The following COL23A1 variants were observed in gnomAD, a reference collection of about 807,000 sequenced individuals.
The protein encoded by COL23A1 is collagen type XXIII alpha 1 chain.
In COL23A1, 97 loss-of-function variants were observed where a neutral mutation model predicts 99.3. The ratio of observed to expected loss-of-function variants is 0.98; its 90% CI spans 0.83 to 1.16. The LOEUF is 1.16. Ranked by LOEUF, COL23A1 falls within the 50% of genes most tolerant of loss-of-function variation. The probability of loss-of-function intolerance (pLI) is 0.00; values close to 1 mark genes in which losing one functional copy is unlikely to be tolerated. For synonymous variants in COL23A1, 320 were observed against 308.2 expected (o/e 1.04, Z -0.40); for missense variants, 762 against 757.4 (o/e 1.01, Z -0.07).
intron 2 of COL23A1, among the ~76,000 whole-genome samples, chr5:178,437,797 G>A (rs1329437043): frequency 6.6e-6 from 1 of 152,276 alleles, no homozygotes; most frequent in South Asian, 2.1e-4. Context: ...GCCAAGATGC[G>A]GGAGTCAAGA....
At chr5:178,282,821 A>G (rs1363287949) in intron 5 of COL23A1, among the ~76,000 whole-genome samples, 3 of 151,712 alleles carry the variant, frequency 2.0e-5, no homozygotes, top group Non-Finnish European at 4.4e-5. Flanking sequence ...TGAGTGGGGG[A>G]TCTCCAACCC....
chr5:178,583,533 C>G (rs1763768116), intron 1 of COL23A1, among the ~76,000 whole-genome samples: 1 of 152,200 alleles, frequency 6.6e-6, no homozygotes, highest in African/African-American at 2.4e-5. Flanking sequence ...CATCGAGAGG[C>G]TGCCCTGCGG....
intron 2 of COL23A1, among the ~76,000 whole-genome samples, chr5:178,471,268 T>C (rs778803788): frequency 2.0e-5 from 3 of 151,854 alleles, no homozygotes; most frequent in Non-Finnish European, 2.9e-5. Flanking sequence ...TGAGACAGAG[T>C]CTCGCTCTTG....
Position 178,309,203 on chromosome 5 carries a change from G to C in COL23A1, c.362-2284C>G, listed in dbSNP as rs1758532179. On this transcript the variant is annotated intron_variant, in intron 2 of 28. Coordinates refer to ENST00000390654, the MANE Select transcript of COL23A1 (RefSeq NM_173465.4). The surrounding 1 kb of genome is among the most constrained non-coding windows in gnomAD (Gnocchi z 4.7). Reference sequence around the variant, plus strand: ...GACATCTGCCTGTGTTGGGGCAGCTGAACTAACGGATTTGTCTGGTGGCTC... The same window carrying C: ...GACATCTGCCTGTGTTGGGGCAGCTCAACTAACGGATTTGTCTGGTGGCTC... Among the ~76,000 whole-genome samples the C allele has an allele frequency of 1.3e-5, 2 of 152,200 alleles. No homozygotes were observed. The highest frequency in any genetic ancestry group is 4.8e-5 in the African/African-American group (2 of 41,458).
rs778857306 is a variant in COL23A1, at chr5:178,256,417, C to T, written c.838-20G>A. 5.0e-6 allele frequency: 8 copies of T among 1,600,448 alleles called. No individual in the cohort carries two copies. The African/African-American group carries it at 6.7e-5, about 13-fold the overall frequency. ...CTCCCCCTGTGGAGACATGCATTTG[C>T]AGCCAGAGGTGCAGCTGTGAAGCCA... On this transcript the variant is annotated intron_variant, in intron 14 of 28. Coordinates refer to ENST00000390654, the MANE Select transcript of COL23A1 (RefSeq NM_173465.4).
intron 2 of COL23A1, among the ~76,000 whole-genome samples, chr5:178,559,838 A>G (rs988705203): frequency 1.5e-4 from 23 of 149,360 alleles, no homozygotes; most frequent in African/African-American, 4.0e-4. Flanking sequence ...CTGCACGTCG[A>G]GAAGTCTGAG....
At position 178,366,338 on chromosome 5, in the gene COL23A1, C is replaced by T. The variant is rs183155849; in HGVS notation, c.362-59419G>A. 2.6e-5 allele frequency among the ~76,000 whole-genome samples: 4 copies of T among 152,338 alleles called. No homozygotes were observed. The highest frequency in any genetic ancestry group is 2.6e-4 in the Admixed American group (4 of 15,306). ...GCGCTGCGTCCTCCATCCTCTGGTGCACCAGGTTAGCTTGACTCCAGGTGC... is the reference window on the plus strand; with the variant it reads ...GCGCTGCGTCCTCCATCCTCTGGTGTACCAGGTTAGCTTGACTCCAGGTGC... On this transcript the variant is annotated intron_variant, in intron 2 of 28. Coordinates refer to ENST00000390654, the MANE Select transcript of COL23A1 (RefSeq NM_173465.4). This position sits in a 1 kb window ranked among gnomAD's most constrained non-coding sequence, Gnocchi z 4.4.
intron 2 of COL23A1, among the ~76,000 whole-genome samples, chr5:178,502,316 A>T (rs1758599025): frequency 6.6e-6 from 1 of 152,064 alleles, no homozygotes; most frequent in South Asian, 2.1e-4. Flanking sequence ...TATTTTTAGT[A>T]GAGACGGGGT....
Position 178,585,540 on chromosome 5 carries a change from A to G in COL23A1, c.294+4364T>C, listed in dbSNP as rs960534222. Among the ~76,000 whole-genome samples, 34 of 44,326 alleles carry G rather than the reference A, an allele frequency of 7.7e-4. 2 individuals carry two copies. The highest frequency in any genetic ancestry group is 7.4e-3 in the Middle Eastern group (1 of 136). The allele number at this position is 44,326 out of a possible 152,430, so 29.1% of individuals were successfully genotyped here. A position where few individuals can be genotyped will look rare whatever the true frequency, so the allele number is the denominator to read the frequency against. On this transcript the variant is annotated intron_variant, in intron 1 of 28. Coordinates refer to ENST00000390654, the MANE Select transcript of COL23A1 (RefSeq NM_173465.4). The stretch of plus-strand genomic sequence containing the variant: ...CGTCCCTGGATGACGCTGGAGTAAC[A>G]CTCCACAGCCCTGGTTGATGCTGGG...
intron 2 of COL23A1, among the ~76,000 whole-genome samples, chr5:178,371,957 T>C (rs1158650400): frequency 6.6e-6 from 1 of 152,236 alleles, no homozygotes; most frequent in African/African-American, 2.4e-5. Flanking sequence ...AAATTGAGCC[T>C]GGCCAAGTCT....
intron 2 of COL23A1, among the ~76,000 whole-genome samples, chr5:178,482,470 C>G (rs1443301628): frequency 6.6e-6 from 1 of 152,078 alleles, no homozygotes; most frequent in South Asian, 2.1e-4. Context: ...GGGGAATTAT[C>G]GTTTAATGGG....
intron 2 of COL23A1, among the ~76,000 whole-genome samples, chr5:178,357,796 A>ATGTG (rs72411503): frequency 7.8e-6 from 1 of 128,036 alleles, no homozygotes; most frequent in South Asian, 2.6e-4. Context: ...GTGTGTGTGT[A>ATGTG]TGTGTGTGTG....
chr5:178,422,550 C>G (rs754384986), intron 2 of COL23A1, among the ~76,000 whole-genome samples: 1 of 152,136 alleles, frequency 6.6e-6, no homozygotes, highest in African/African-American at 2.4e-5. Flanking sequence ...CATCATCCCC[C>G]CGCTGTCTGC....
chr5:178,362,297 G>C (rs867430657), intron 2 of COL23A1, among the ~76,000 whole-genome samples: 1 of 152,122 alleles, frequency 6.6e-6, no homozygotes, highest in Admixed American at 6.5e-5. Context: ...TCCGAATAGC[G>C]GCTCAACCAC....
At position 178,340,719 on chromosome 5, in the gene COL23A1, G is replaced by C. The variant is rs1211560559; in HGVS notation, c.362-33800C>G. Among the ~76,000 whole-genome samples the C allele has an allele frequency of 6.6e-6, 1 of 152,234 alleles. No individual in the cohort carries two copies. Among genetic ancestry groups the C allele is most frequent in the African/African-American group, 2.4e-5 (1 of 41,472 alleles). On this transcript the variant is annotated intron_variant, in intron 2 of 28. Coordinates refer to ENST00000390654, the MANE Select transcript of COL23A1 (RefSeq NM_173465.4). The surrounding 1 kb of genome is among the most constrained non-coding windows in gnomAD (Gnocchi z 4.7). ...GGATTCTAGTCCTCGGCCCTCCCAG[G>C]GGCAGTGAGGGAGTCTCACCGGAAT...
chr5:178,465,703 A>C (rs1756379104), intron 2 of COL23A1, among the ~76,000 whole-genome samples: 1 of 152,236 alleles, frequency 6.6e-6, no homozygotes, highest in East Asian at 1.9e-4. Flanking sequence ...ACAGAAGAGC[A>C]AAGTCCCCGC....
At chr5:178,278,558 T>C (rs1469671084) in intron 5 of COL23A1, among the ~76,000 whole-genome samples, 1 of 152,170 alleles carries the variant, frequency 6.6e-6, no homozygotes. Flanking sequence ...CAGCCTCATC[T>C]ATTTTCTCAC....
At chr5:178,364,563 G>A (rs1222192615) in intron 2 of COL23A1, among the ~76,000 whole-genome samples, 1 of 152,060 alleles carries the variant, frequency 6.6e-6, no homozygotes, top group Admixed American at 6.6e-5. Flanking sequence ...TCTTCCTAAG[G>A]CTATCTGATC....
At chr5:178,258,794 A>G (rs1765475190) in intron 12 of COL23A1, among the ~76,000 whole-genome samples, 1 of 152,086 alleles carries the variant, frequency 6.6e-6, no homozygotes, top group Non-Finnish European at 1.5e-5. Context: ...TCCTGGGCTC[A>G]AGCGATCCTC....
Sources: gnomAD v4.1 joint callset for allele counts (sites outside exome capture counted in the v4.1 genomes callset) on GRCh38, gnomAD v4.1.1 for gene constraint, Gnocchi (gnomAD v3.1) non-coding constraint, MANE v1.5 for transcripts, NCBI Gene and HGNC (gene_info 2026-07-23, HGNC 2026-07-21) for gene names.